XRCC5: variants seen among roughly 807,000 people sequenced by gnomAD.
XRCC5 encodes the protein X-ray repair cross complementing 5.
In XRCC5, 12 loss-of-function variants were observed where a neutral mutation model predicts 95.7. The observed-to-expected ratio is 0.13, with a 90% confidence interval of 0.08 to 0.20. XRCC5 has a LOEUF of 0.20. Among genes scored for constraint, XRCC5 ranks in the 10% least tolerant of loss-of-function variants. The pLI is 1.00. For missense variants in XRCC5, 595 were observed against 873.9 expected (o/e 0.68, Z 4.02); for synonymous variants, 281 against 290.3 (o/e 0.97, Z 0.33).
intron 13 of XRCC5, among the ~76,000 whole-genome samples, chr2:216,147,675 TTAAG>T (rs1229898431): frequency 6.6e-6 from 1 of 152,094 alleles, no homozygotes; most frequent in Non-Finnish European, 1.5e-5. Context: ...TTCTCTGAGA[TTAAG>T]TGAGGGAGAA....
intron 18 of XRCC5, 77 bp from the exon 19 acceptor site, chr2:216,194,842 G>A: frequency 4.6e-6 from 6 of 1,297,418 alleles, no homozygotes; most frequent in Non-Finnish European, 6.7e-6. Flanking sequence ...AAAGGTGGGA[G>A]GAGGTGTGAT....
chr2:216,119,170 G>C lies in XRCC5; in HGVS notation c.491+5G>C. 1 of 1,613,794 alleles carries C rather than the reference G, an allele frequency of 6.2e-7. No individual in the cohort carries two copies. Among genetic ancestry groups the C allele is most frequent in the Non-Finnish European group, 8.5e-7 (1 of 1,179,778 alleles). On this transcript the variant is annotated splice_donor_5th_base_variant and intron_variant, in intron 5 of 20. Coordinates refer to ENST00000392132, the MANE Select transcript of XRCC5 (RefSeq NM_021141.4). ...TGACATCTCCCTGCAATTCTTGTAA[G>C]ATCCTAAGAATAATGCATGTAGACA... is the stretch of plus-strand genomic sequence containing the variant.
chr2:216,165,276 T>A (rs1301520068), intron 16 of XRCC5, among the ~76,000 whole-genome samples: 1 of 152,200 alleles, frequency 6.6e-6, no homozygotes, highest in Non-Finnish European at 1.5e-5. Context: ...ATGAATAGAT[T>A]GTTCTTTTAT....
intron 18 of XRCC5, among the ~76,000 whole-genome samples, chr2:216,194,646 T>C (rs1332387892): frequency 1.3e-5 from 2 of 152,224 alleles, no homozygotes; most frequent in African/African-American, 4.8e-5. Flanking sequence ...TTATATTTTT[T>C]GTAGAACAGA....
intron 14 of XRCC5, among the ~76,000 whole-genome samples, chr2:216,155,909 C>T (rs554733900): frequency 3.3e-5 from 5 of 152,074 alleles, no homozygotes; most frequent in South Asian, 2.1e-4. Context: ...CTGGCACAGC[C>T]CATATTTGAT....
At chr2:216,180,375 C>T (rs1689362593) in intron 16 of XRCC5, among the ~76,000 whole-genome samples, 1 of 152,192 alleles carries the variant, frequency 6.6e-6, no homozygotes, top group Non-Finnish European at 1.5e-5. Flanking sequence ...CCTGTAATCC[C>T]AGCACTTTGG....
chr2:216,171,398 A>C (rs778074533), intron 16 of XRCC5, among the ~76,000 whole-genome samples: 1 of 152,262 alleles, frequency 6.6e-6, no homozygotes, highest in Non-Finnish European at 1.5e-5. Context: ...GAACAGTTTC[A>C]GCAGGGCTGG....
chr2:216,174,695 G>A (rs987957220), intron 16 of XRCC5, among the ~76,000 whole-genome samples: 1 of 152,150 alleles, frequency 6.6e-6, no homozygotes, highest in Admixed American at 6.5e-5. Flanking sequence ...TGCAAACTGT[G>A]GCTATGATAG....
At chr2:216,167,682 CAGAT>C (rs766600449) in intron 16 of XRCC5, among the ~76,000 whole-genome samples, 7 of 150,766 alleles carry the variant, frequency 4.6e-5, no homozygotes, top group Non-Finnish European at 4.4e-5. Context: ...ATACTCTGCC[CAGAT>C]AGATAAGAAG....
chr2:216,190,135 T>C lies in XRCC5; in HGVS notation c.1835-90T>C. On this transcript the variant is annotated intron_variant, in intron 16 of 20. Coordinates refer to ENST00000392132, the MANE Select transcript of XRCC5 (RefSeq NM_021141.4). ...CTTGCTGACCATGAGGCTTGTGAAC[T>C]ATAATACATACTTATAGGCACAAAC... The C allele has an allele frequency of 4.6e-6, 5 of 1,083,478 alleles. No individual in the cohort carries two copies. In the South Asian group the frequency reaches 7.6e-5, roughly 16 times the overall value. The allele number at this position is 1,083,478 out of a possible 1,614,324, so 67.1% of individuals were successfully genotyped here.
intron 2 of XRCC5, 53 bp from the exon 3 acceptor site, chr2:216,116,606 T>G (rs1417099921): frequency 1.2e-6 from 2 of 1,607,940 alleles, no homozygotes; most frequent in South Asian, 2.2e-5. Flanking sequence ...AGGTATTTTA[T>G]TGCTTCCAGA....
chr2:216,153,630 C>G (rs1341917857), intron 14 of XRCC5, among the ~76,000 whole-genome samples: 1 of 152,080 alleles, frequency 6.6e-6, no homozygotes, highest in Non-Finnish European at 1.5e-5. Flanking sequence ...TTCTGTTGAC[C>G]CCCAACTTAA....
chr2:216,160,465 A>G (rs1688931369), intron 15 of XRCC5, among the ~76,000 whole-genome samples: 3 of 152,178 alleles, frequency 2.0e-5, no homozygotes, highest in Non-Finnish European at 4.4e-5. Flanking sequence ...CAACTAGTCA[A>G]AATGATAGGA....
In XRCC5 at chr2:216,113,071, G is replaced by T; in HGVS notation, c.77G>T (p.Gly26Val). The T allele has an allele frequency of 6.2e-7, 1 of 1,614,112 alleles. No homozygotes were observed. The highest frequency in any genetic ancestry group is 8.5e-7 in the Non-Finnish European group (1 of 1,180,006). ...TTTACCATGAGTAACTCCATTCCTGGTATAGAATCCCCATTTGAACAAGCA... is the reference window on the plus strand; with the variant it reads ...TTTACCATGAGTAACTCCATTCCTGTTATAGAATCCCCATTTGAACAAGCA... ...VGFTMSNSIP[G>V]IESPFEQAKK... is the part of the protein sequence containing the mutation. Residue 26 changes from glycine to valine, a missense_variant, in exon 2 of 21, where the codon GGT (glycine) becomes GTT (valine). Physicochemically the swap from Gly to Val is moderately radical, Grantham distance 109 (BLOSUM62 -3). This residue lies in a region of XRCC5 where 286 missense variants were observed against 491.1 expected (regional missense o/e 0.58). Coordinates refer to ENST00000392132, the MANE Select transcript of XRCC5 (RefSeq NM_021141.4).
At chr2:216,121,268 T>G (rs77648086) in intron 5 of XRCC5, among the ~76,000 whole-genome samples, 15 of 152,354 alleles carry the variant, frequency 9.8e-5, no homozygotes, top group African/African-American at 3.6e-4. Context: ...ACATGCAAAT[T>G]ACATCATGCT....
chr2:216,117,536 C>T, intron 3 of XRCC5: 1 of 493,402 alleles, frequency 2.0e-6, no homozygotes, highest in Non-Finnish European at 3.6e-6. Flanking sequence ...GTTTATATTT[C>T]TTGGTTGTTT....
intron 10 of XRCC5, among the ~76,000 whole-genome samples, chr2:216,135,167 A>G (rs1378739051): frequency 6.6e-6 from 1 of 152,148 alleles, no homozygotes; most frequent in Admixed American, 6.5e-5. Flanking sequence ...TAACTTTGAT[A>G]AGGTTAACCG....
intron 3 of XRCC5, chr2:216,117,222 C>CT: frequency 5.2e-6 from 1 of 190,498 alleles, no homozygotes. Context: ...ATGTTCTCTC[C>CT]TTTTTTTCTG....
chr2:216,141,282 C>T lies in XRCC5; in HGVS notation c.1439C>T (p.Thr480Ile). 1.2e-6 allele frequency: 2 copies of T among 1,614,046 alleles called. No homozygotes were observed. The highest frequency in any genetic ancestry group is 1.7e-6 in the Non-Finnish European group (2 of 1,179,968). Reference sequence around the variant, plus strand: ...ACCCTTGAAGACTTGTTTCCAACCACCAAAATCCCAAATCCTCGATTTCAG... The same window carrying T: ...ACCCTTGAAGACTTGTTTCCAACCATCAAAATCCCAAATCCTCGATTTCAG... ...TDTLEDLFPTTKIPNPRFQRL... is the reference protein window; with the variant it reads ...TDTLEDLFPTIKIPNPRFQRL... Residue 480 changes from threonine to isoleucine, a missense_variant, in exon 13 of 21, where the codon ACC becomes ATC. This residue lies in a region of XRCC5 where 309 missense variants were observed against 382.9 expected (regional missense o/e 0.81). Transcript: ENST00000392132.
Sources: gnomAD v4.1 joint callset for allele counts (sites outside exome capture counted in the v4.1 genomes callset) on GRCh38, gnomAD v4.1.1 for gene constraint, gnomAD v4.1.1 regional missense constraint, MANE v1.5 for transcripts, NCBI Gene and HGNC (gene_info 2026-07-23, HGNC 2026-07-21) for gene names.